AGMO: variants seen among roughly 807,000 people sequenced by gnomAD.
AGMO encodes alkylglycerol monooxygenase, also known as glyceryl-ether monooxygenase.
A neutral mutation model predicts 60.2 loss-of-function variants in AGMO; 75 were observed. That is an observed-to-expected ratio of 1.25 (90% CI 1.03 to 1.51). The LOEUF is 1.51. AGMO is among the 40% of genes most tolerant of loss of function. The pLI, the probability that AGMO is intolerant of heterozygous loss-of-function variation, is 0.00. For missense variants in AGMO, 763 were observed against 525.5 expected, an observed-to-expected ratio of 1.45 and a Z score of -4.42; for synonymous variants, 261 against 177.1, an observed-to-expected ratio of 1.47 and a Z score of -3.76.
At chr7:15,268,983 T>C (rs971808689) in intron 12 of AGMO, among the ~76,000 whole-genome samples, 1 of 152,026 alleles carries the variant, frequency 6.6e-6, no homozygotes, top group African/African-American at 2.4e-5. Context: ...AGCATGGTGG[T>C]GGATCGTTTT....
chr7:15,281,404 G>A (rs1783961028), intron 12 of AGMO, among the ~76,000 whole-genome samples: 1 of 152,118 alleles, frequency 6.6e-6, no homozygotes, highest in African/African-American at 2.4e-5. Context: ...CACAGGAGAA[G>A]GGCCCTCCAG....
At chr7:15,333,602 TAA>T (rs199764355) in intron 12 of AGMO, among the ~76,000 whole-genome samples, 27 of 128,250 alleles carry the variant, frequency 2.1e-4, no homozygotes, top group Non-Finnish European at 2.0e-4. Flanking sequence ...CTACTGAATT[TAA>T]AAAAAAAAAA....
intron 12 of AGMO, among the ~76,000 whole-genome samples, chr7:15,236,063 A>C (rs1172171788): frequency 6.6e-6 from 1 of 152,118 alleles, no homozygotes; most frequent in Non-Finnish European, 1.5e-5. Context: ...AATAAAGGAA[A>C]ATGATATACT....
the AGMO span, among the ~76,000 whole-genome samples, chr7:15,184,309 GGGAGGGAAGGAGGGAA>G: frequency 3.5e-4 from 32 of 92,018 alleles, no homozygotes; most frequent in Non-Finnish European, 4.5e-4. Context: ...CAGGCAGGGA[GGGAGGGAAGGAGGGAA>G]GGAGGAAGGA....
chr7:15,212,811 T>C (rs1781631932), intron 12 of AGMO, among the ~76,000 whole-genome samples: 1 of 151,916 alleles, frequency 6.6e-6, no homozygotes, highest in South Asian at 2.1e-4. Flanking sequence ...TATGCCTCAG[T>C]ATCTTCAGCT....
chr7:15,138,063 A>T, the AGMO span, among the ~76,000 whole-genome samples: 1 of 151,998 alleles, frequency 6.6e-6, no homozygotes, highest in African/African-American at 2.4e-5. Context: ...ACCAACTTCA[A>T]ATCTACCTCA....
intron 3 of AGMO, among the ~76,000 whole-genome samples, chr7:15,465,396 T>C (rs997113098): frequency 1.3e-5 from 2 of 150,038 alleles, no homozygotes; most frequent in African/African-American, 4.9e-5. Flanking sequence ...TGAGACAAGA[T>C]GACTTGGAAA....
the AGMO span, among the ~76,000 whole-genome samples, chr7:15,194,621 TAA>T: frequency 6.6e-6 from 1 of 152,150 alleles, no homozygotes; most frequent in East Asian, 1.9e-4. Flanking sequence ...GTGAATAATA[TAA>T]GTTGATAAAC....
chr7:15,358,485 G>A lies in AGMO; in HGVS notation c.1263+7029C>T, dbSNP rs747471880. The A allele has an allele frequency of 1.1e-4, 50 of 466,440 alleles. 1 individual carries two copies. Among genetic ancestry groups the A allele is most frequent in the Non-Finnish European group, 1.7e-4 (39 of 225,014 alleles). 28.9% of individuals were successfully genotyped at this position (466,440 alleles called of 1,614,324 possible). On this transcript the variant is annotated intron_variant, in intron 12 of 12. Transcript: ENST00000342526. ...ACGTACTAATTAATGTTGGTACTCCGTGATTTCAGTCAGAACTGTGAATTA... is the reference window on the plus strand; with the variant it reads ...ACGTACTAATTAATGTTGGTACTCCATGATTTCAGTCAGAACTGTGAATTA...
At chr7:15,468,575 A>G (rs1782355265) in intron 3 of AGMO, among the ~76,000 whole-genome samples, 1 of 152,046 alleles carries the variant, frequency 6.6e-6, no homozygotes, top group Admixed American at 6.6e-5. Context: ...TATATATATG[A>G]TTTTGTTGTA....
At chr7:15,395,823 T>C (rs1352969484) in intron 5 of AGMO, among the ~76,000 whole-genome samples, 1 of 152,174 alleles carries the variant, frequency 6.6e-6, no homozygotes, top group Non-Finnish European at 1.5e-5. Context: ...AAACTCTTTA[T>C]CTAGGAGCGT....
intron 3 of AGMO, among the ~76,000 whole-genome samples, chr7:15,482,051 A>C (rs935359590): frequency 6.6e-6 from 1 of 152,056 alleles, no homozygotes; most frequent in Non-Finnish European, 1.5e-5. Context: ...TTGTACTTTT[A>C]ACACACATAT....
chr7:15,342,944 A>C (rs1781912615), intron 12 of AGMO, among the ~76,000 whole-genome samples: 1 of 152,116 alleles, frequency 6.6e-6, no homozygotes, highest in Non-Finnish European at 1.5e-5. Context: ...GAGTAAATGA[A>C]AATGTATACT....
At chr7:15,366,076 C>A in intron 11 of AGMO, 64 bp downstream of exon 11, 2 of 1,249,242 alleles carry the variant, frequency 1.6e-6, no homozygotes, top group Non-Finnish European at 2.3e-6. Context: ...TGGTATTTTA[C>A]CACTCTGTGG....
At chr7:15,443,348 C>A (rs762736446) in intron 3 of AGMO, among the ~76,000 whole-genome samples, 1 of 152,136 alleles carries the variant, frequency 6.6e-6, no homozygotes, top group Non-Finnish European at 1.5e-5. Flanking sequence ...CTTCATGTTC[C>A]CCCTAGAGCT....
intron 12 of AGMO, among the ~76,000 whole-genome samples, chr7:15,286,621 G>A (rs1369138413): frequency 6.6e-6 from 1 of 152,056 alleles, no homozygotes; most frequent in Non-Finnish European, 1.5e-5. Context: ...ATACACTGCT[G>A]GTGGGAATGT....
intron 5 of AGMO, among the ~76,000 whole-genome samples, chr7:15,394,915 G>A (rs1005411961): frequency 6.6e-6 from 1 of 152,154 alleles, no homozygotes; most frequent in East Asian, 1.9e-4. Context: ...TTCAATATCT[G>A]GTGCCTAATT....
chr7:15,314,732 A>T (rs564465128), intron 12 of AGMO, among the ~76,000 whole-genome samples: 27 of 152,264 alleles, frequency 1.8e-4, no homozygotes, highest in African/African-American at 6.3e-4. Context: ...ATTACCTTAT[A>T]TGACTTTGGG....
intron 12 of AGMO, among the ~76,000 whole-genome samples, chr7:15,305,577 T>C (rs940594561): frequency 3.9e-5 from 6 of 152,062 alleles, no homozygotes; most frequent in African/African-American, 1.4e-4. Flanking sequence ...TAACAATTTA[T>C]AATTTTACTC....
Sources: allele counts gnomAD v4.1 joint callset (sites outside exome capture counted in the v4.1 genomes callset), GRCh38; gene constraint gnomAD v4.1.1; transcripts MANE v1.5; gene names NCBI Gene and HGNC (gene_info 2026-07-23, HGNC 2026-07-21).